Variants in IMMP2L observed in about 807,000 individuals in gnomAD.
The protein encoded by IMMP2L is mitochondrial inner membrane protease subunit 2.
In IMMP2L, 18 loss-of-function variants were observed where a neutral mutation model predicts 19.3. The ratio of observed to expected loss-of-function variants is 0.93; its 90% confidence interval spans 0.64 to 1.38. The LOEUF is 1.38. Among genes scored for constraint, IMMP2L ranks in the 40% most tolerant of loss-of-function variants. The pLI, the probability that IMMP2L is intolerant of heterozygous loss-of-function variation, is 0.00. For missense variants in IMMP2L, 233 were observed against 218.2 expected (o/e 1.07, Z -0.43); for synonymous variants, 76 against 73.0 (o/e 1.04, Z -0.21).
At chr7:110,975,527 C>T (rs1217526874) in intron 3 of IMMP2L, among the ~76,000 whole-genome samples, 4 of 152,146 alleles carry the variant, frequency 2.6e-5, no homozygotes, top group African/African-American at 9.7e-5. Context: ...TTACCTTAAC[C>T]TTAGCTTTGG....
At chr7:110,788,554 G>A (rs771698237) in intron 5 of IMMP2L, among the ~76,000 whole-genome samples, 15 of 151,602 alleles carry the variant, frequency 9.9e-5, no homozygotes, top group Non-Finnish European at 1.3e-4. Flanking sequence ...ATCCAGCTCC[G>A]TGCTTTCAAA....
intron 3 of IMMP2L, among the ~76,000 whole-genome samples, chr7:111,119,483 G>A (rs1800316751): frequency 6.6e-6 from 1 of 152,134 alleles, no homozygotes; most frequent in African/African-American, 2.4e-5. Context: ...GAAGAATAAA[G>A]CACAGATATA....
At chr7:111,517,752 A>C (rs922735968) in intron 2 of IMMP2L, among the ~76,000 whole-genome samples, 9 of 152,130 alleles carry the variant, frequency 5.9e-5, no homozygotes, top group Non-Finnish European at 1.2e-4. Context: ...TTCCTGAATT[A>C]AATTAATGTC....
At chr7:110,905,438 T>A (rs1812346834) in intron 4 of IMMP2L, among the ~76,000 whole-genome samples, 3 of 152,070 alleles carry the variant, frequency 2.0e-5, no homozygotes, top group Admixed American at 1.3e-4. Flanking sequence ...TTCTTTCCCT[T>A]CAATTTTTTG....
At chr7:111,095,587 C>A (rs2129578666) in intron 3 of IMMP2L, among the ~76,000 whole-genome samples, 1 of 151,976 alleles carries the variant, frequency 6.6e-6, no homozygotes, top group East Asian at 1.9e-4. Context: ...TATAGTTTAC[C>A]ATATTCTGTA....
intron 3 of IMMP2L, among the ~76,000 whole-genome samples, chr7:111,135,777 T>C (rs1802277706): frequency 6.6e-6 from 1 of 152,200 alleles, no homozygotes; most frequent in Non-Finnish European, 1.5e-5. Flanking sequence ...AAATACACTA[T>C]TACAAAAGCC....
At chr7:111,490,447 C>T (rs1310519660) in intron 2 of IMMP2L, among the ~76,000 whole-genome samples, 1 of 151,634 alleles carries the variant, frequency 6.6e-6, no homozygotes, top group African/African-American at 2.4e-5. Context: ...CCGGGTTACC[C>T]TTTTCCCAGT....
intron 5 of IMMP2L, among the ~76,000 whole-genome samples, chr7:110,695,321 G>T (rs2130583383): frequency 6.6e-6 from 1 of 151,966 alleles, no homozygotes; most frequent in African/African-American, 2.4e-5. Context: ...CCTCCCAAGT[G>T]GCTGGGATCA....
chr7:110,703,610 G>A (rs1215210442), intron 5 of IMMP2L, among the ~76,000 whole-genome samples: 1 of 152,084 alleles, frequency 6.6e-6, no homozygotes, highest in Non-Finnish European at 1.5e-5. Flanking sequence ...TAGAAATAAT[G>A]TTGTAGAAGT....
intron 5 of IMMP2L, among the ~76,000 whole-genome samples, chr7:110,815,005 T>G (rs561468963): frequency 1.3e-5 from 2 of 152,056 alleles, no homozygotes; most frequent in South Asian, 4.2e-4. Flanking sequence ...AACTACAACG[T>G]CTTAACTGTG....
intron 1 of IMMP2L, among the ~76,000 whole-genome samples, chr7:111,553,116 T>C (rs572049801): frequency 2.6e-4 from 39 of 152,146 alleles, no homozygotes; most frequent in Admixed American, 2.4e-3. Flanking sequence ...TAACAAACAA[T>C]CATTGTTGTT....
chr7:111,096,172 A>G (rs983699644), intron 3 of IMMP2L, among the ~76,000 whole-genome samples: 4 of 151,932 alleles, frequency 2.6e-5, no homozygotes, highest in Non-Finnish European at 1.5e-5. Context: ...TGCTCCTCAC[A>G]ACAATCTGGT....
chr7:110,946,271 A>G (rs1817239670), intron 4 of IMMP2L, among the ~76,000 whole-genome samples: 1 of 152,212 alleles, frequency 6.6e-6, no homozygotes, highest in African/African-American at 2.4e-5. Context: ...TAGAGAAACA[A>G]TCTACTACAA....
chr7:110,931,729 T>G (rs1815510130), intron 4 of IMMP2L, among the ~76,000 whole-genome samples: 1 of 152,148 alleles, frequency 6.6e-6, no homozygotes. Flanking sequence ...AACCCTCTCG[T>G]GGCTTCCTAT....
At chr7:111,552,788 C>A (rs776772140) in intron 1 of IMMP2L, among the ~76,000 whole-genome samples, 2 of 152,074 alleles carry the variant, frequency 1.3e-5, no homozygotes, top group Non-Finnish European at 2.9e-5. Context: ...TCTGTAGAAC[C>A]AATTGAATAC....
intron 3 of IMMP2L, among the ~76,000 whole-genome samples, chr7:111,358,470 G>C (rs187469693): frequency 6.6e-6 from 1 of 151,926 alleles, no homozygotes; most frequent in East Asian, 1.9e-4. Context: ...GATTATCTTG[G>C]CTTCTTCCCT....
At chr7:111,217,394 G>C (rs1330740079) in intron 3 of IMMP2L, among the ~76,000 whole-genome samples, 1 of 151,992 alleles carries the variant, frequency 6.6e-6, no homozygotes, top group Non-Finnish European at 1.5e-5. Flanking sequence ...GTGGGTACCT[G>C]ACCCTTTTCA....
At chr7:111,419,774 C>A (rs1201923099) in intron 3 of IMMP2L, among the ~76,000 whole-genome samples, 2 of 151,202 alleles carry the variant, frequency 1.3e-5, no homozygotes, top group East Asian at 3.9e-4. Flanking sequence ...TCAGCCTTGG[C>A]AAAATAAACT....
At chr7:110,798,135 T>C (rs1404504334) in intron 5 of IMMP2L, among the ~76,000 whole-genome samples, 1 of 151,958 alleles carries the variant, frequency 6.6e-6, no homozygotes. Context: ...AAATATTTTC[T>C]TCTTTGTGAT....
Sources: allele counts gnomAD v4.1 joint callset (sites outside exome capture counted in the v4.1 genomes callset), GRCh38; gene constraint gnomAD v4.1.1; transcripts MANE v1.5; gene names NCBI Gene and HGNC (gene_info 2026-07-23, HGNC 2026-07-21).